Variants in DMBT1 observed in about 807,000 individuals in gnomAD.
DMBT1 encodes scavenger receptor cysteine-rich domain-containing protein DMBT1.
A neutral mutation model predicts 252.9 loss-of-function variants in DMBT1; 198 were observed. The observed-to-expected ratio is 0.78, with a 90% CI of 0.70 to 0.88. DMBT1 has a LOEUF of 0.88. DMBT1 is among the 40% of genes least tolerant of loss of function. The pLI is 0.00. For synonymous variants in DMBT1, 990 were observed against 942.7 expected, an observed-to-expected ratio of 1.05 and a Z score of -0.92; for missense variants, 2,432 against 2,404.7, an observed-to-expected ratio of 1.01 and a Z score of -0.24.
At chr10:122,616,883 C>A (rs2097989224) in intron 39 of DMBT1, among the ~76,000 whole-genome samples, 1 of 91,182 alleles carries the variant, frequency 1.1e-5, no homozygotes, top group South Asian at 4.8e-4. Context: ...CCCCTGGTTC[C>A]CCTAACATTT....
intron 54 of DMBT1, among the ~76,000 whole-genome samples, chr10:122,638,405 A>C (rs1843881449): frequency 6.6e-6 from 1 of 152,208 alleles, no homozygotes; most frequent in Admixed American, 6.5e-5. Context: ...CACACGCCAC[A>C]TTCTTATTCC....
At chr10:122,598,045 A>C in intron 25 of DMBT1, 33 bp downstream of exon 25, 1 of 1,613,380 alleles carries the variant, frequency 6.2e-7, no homozygotes, top group Non-Finnish European at 8.5e-7. Context: ...CCTAGGGCTC[A>C]CTCTCTACCT....
chr10:122,618,271 A>G lies in DMBT1; in HGVS notation c.5146A>G (p.Ser1716Gly), dbSNP rs747039304. 3 of 1,613,762 alleles carry G rather than the reference A, an allele frequency of 1.9e-6. No homozygotes were observed. Among genetic ancestry groups the G allele is most frequent in the South Asian group, 2.2e-5 (2 of 91,076 alleles). Residue 1716 changes from serine to glycine, a missense_variant, in exon 41 of 56, where the codon AGC becomes GGC. By Grantham distance (56) the Ser-to-Gly change is moderately conservative (BLOSUM62 0). Transcript: ENST00000338354. Reference sequence around the variant, plus strand: ...CTCAGGACACGAGTCTTACCTGTGGAGCTGCCCCCACAATGGCTGGCTCTC... The same window carrying G: ...CTCAGGACACGAGTCTTACCTGTGGGGCTGCCCCCACAATGGCTGGCTCTC... Reference protein sequence around the residue: ...RCSGHESYLWSCPHNGWLSHN... With the variant: ...RCSGHESYLWGCPHNGWLSHN...
chr10:122,621,859 A>G (rs1350202636), intron 44 of DMBT1, among the ~76,000 whole-genome samples: 1 of 152,196 alleles, frequency 6.6e-6, no homozygotes, highest in Non-Finnish European at 1.5e-5. Context: ...GCAAACGGGT[A>G]TCTGTGCATG....
At chr10:122,590,334 A>G (rs1031322421) in intron 17 of DMBT1, among the ~76,000 whole-genome samples, 1 of 148,936 alleles carries the variant, frequency 6.7e-6, no homozygotes, top group South Asian at 2.2e-4. Context: ...GGGCTAGAAG[A>G]TCACAGGCTG....
chr10:122,587,691 A>G (rs1048307941), intron 16 of DMBT1, among the ~76,000 whole-genome samples: 2 of 148,668 alleles, frequency 1.3e-5, no homozygotes, highest in Non-Finnish European at 3.0e-5. Flanking sequence ...ACATGCGGAA[A>G]GGCAGAGGCC....
chr10:122,586,495 GAT>G, intron 16 of DMBT1, 112 bp downstream of exon 16: 1 of 1,459,170 alleles, frequency 6.9e-7, no homozygotes, highest in Non-Finnish European at 9.2e-7. Context: ...CTATATTTCT[GAT>G]ACCTCCTTAG....
intron 45 of DMBT1, among the ~76,000 whole-genome samples, 183 bp downstream of exon 45, chr10:122,625,486 G>T (rs756456300): frequency 6.6e-6 from 1 of 152,200 alleles, no homozygotes; most frequent in African/African-American, 2.4e-5. Context: ...CTGGTTCACC[G>T]TGGAGGGCCC....
chr10:122,616,954 G>A (rs1565856706), intron 39 of DMBT1, among the ~76,000 whole-genome samples: 1 of 120,384 alleles, frequency 8.3e-6, no homozygotes, highest in Non-Finnish European at 1.7e-5. Flanking sequence ...CCATGCATCA[G>A]CAGATGTGGG....
At chr10:122,564,254 G>A (rs1472770052) in intron 1 of DMBT1, among the ~76,000 whole-genome samples, 1 of 152,198 alleles carries the variant, frequency 6.6e-6, no homozygotes, top group African/African-American at 2.4e-5. Flanking sequence ...GGTTCCATTA[G>A]AGAAATTCAA....
chr10:122,577,736 C>A, intron 7 of DMBT1, 75 bp from the exon 8 acceptor site: 1 of 1,569,074 alleles, frequency 6.4e-7, no homozygotes. Flanking sequence ...GTAGATACCC[C>A]AAGTCACTTC....
intron 7 of DMBT1, 39 bp from the exon 8 acceptor site, chr10:122,577,772 G>A (rs1258027741): frequency 6.2e-7 from 1 of 1,612,936 alleles, no homozygotes; most frequent in East Asian, 2.2e-5. Flanking sequence ...TGGAGTCACT[G>A]AGTGTTTGGT....
rs1340060111 is a variant in DMBT1, at chr10:122,576,666, A to G, written c.551A>G (p.Asn184Ser). The G allele has an allele frequency of 2.5e-6, 4 of 1,613,748 alleles. No individual in the cohort carries two copies. The highest frequency in any genetic ancestry group is 3.4e-6 in the Non-Finnish European group (4 of 1,179,724). ...HESYLWSCPH[N>S]GWLSHNCGHG... The stretch of plus-strand genomic sequence containing the variant: ...TCCTACCTGTGGAGCTGCCCCCACA[A>G]TGGCTGGCTCTCCCATAACTGTGGC... Residue 184 changes from asparagine to serine, a missense_variant, in exon 7 of 56, where the codon AAT (asparagine) becomes AGT (serine). Around this residue, in one of 3 missense-constraint regions of DMBT1, gnomAD observed 1,264 missense variants for 1,082.2 expected, o/e 1.17. Coordinates refer to ENST00000338354, the MANE Select transcript of DMBT1 (RefSeq NM_001377530.1).
chr10:122,619,400 A>T (rs2098039084), intron 42 of DMBT1, 63 bp downstream of exon 42: 2 of 1,601,302 alleles, frequency 1.2e-6, no homozygotes, highest in Admixed American at 3.3e-5. Flanking sequence ...CCTCTTCCCC[A>T]CTCCACAGAG....
At chr10:122,570,808 C>T in intron 3 of DMBT1, 82 bp from the exon 4 acceptor site, 1 of 1,506,028 alleles carries the variant, frequency 6.6e-7, no homozygotes, top group Non-Finnish European at 9.2e-7. Context: ...CCAGCCCTTG[C>T]TTCAGAGCTG....
chr10:122,631,853 A>C lies in DMBT1; in HGVS notation c.6347-2A>C, dbSNP rs1230046180. 1 of 1,613,614 alleles carries C rather than the reference A, an allele frequency of 6.2e-7. No homozygotes were observed. Among genetic ancestry groups the C allele is most frequent in the Non-Finnish European group, 8.5e-7 (1 of 1,179,812 alleles). ...TATGCTTTTTTTCTATTCCTTTTTCAGGAAACCATCTATCGACACCTGGTA... is the reference window on the plus strand; with the variant it reads ...TATGCTTTTTTTCTATTCCTTTTTCCGGAAACCATCTATCGACACCTGGTA... On this transcript the variant is annotated splice_acceptor_variant, in intron 49 of 55. Coordinates refer to ENST00000338354, the MANE Select transcript of DMBT1 (RefSeq NM_001377530.1). LOFTEE classifies it high-confidence loss of function.
Position 122,570,917 on chromosome 10 carries a change from T to A in DMBT1, c.167T>A (p.Leu56Gln). 1 of 1,613,352 alleles carries A rather than the reference T, an allele frequency of 6.2e-7. No homozygotes were observed. The highest frequency in any genetic ancestry group is 8.5e-7 in the Non-Finnish European group (1 of 1,179,304). The part of the protein sequence containing the change: ...EGSPFPSEST[L>Q]ESTVAEGSPI... Reference sequence around the variant, plus strand: ...TCTCCATTTCCCTCGGAGTCGACCCTGGAGTCAACTGTAGCAGAAGGTAAC... The same window carrying A: ...TCTCCATTTCCCTCGGAGTCGACCCAGGAGTCAACTGTAGCAGAAGGTAAC... Residue 56 changes from leucine to glutamine, a missense_variant, in exon 4 of 56, where the codon CTG becomes CAG. Around this residue, in one of 3 missense-constraint regions of DMBT1, gnomAD observed 1,264 missense variants for 1,082.2 expected, o/e 1.17. Coordinates refer to ENST00000338354, the MANE Select transcript of DMBT1 (RefSeq NM_001377530.1).
At chr10:122,580,545 A>T (rs549276590) in intron 10 of DMBT1, among the ~76,000 whole-genome samples, 1 of 152,172 alleles carries the variant, frequency 6.6e-6, no homozygotes, top group Admixed American at 6.5e-5. Flanking sequence ...CGCACAAGGG[A>T]TTTTGGCTGG....
chr10:122,642,432 T>C (rs1046100491), intron 55 of DMBT1, among the ~76,000 whole-genome samples: 6 of 152,200 alleles, frequency 3.9e-5, no homozygotes, highest in Non-Finnish European at 5.9e-5. Flanking sequence ...ACTGGGTTAG[T>C]GTGAGCTGCT....
Sources: allele counts gnomAD v4.1 joint callset (sites outside exome capture counted in the v4.1 genomes callset), GRCh38; gene constraint gnomAD v4.1.1; regional missense constraint gnomAD v4.1.1; transcripts MANE v1.5; gene names NCBI Gene and HGNC (gene_info 2026-07-23, HGNC 2026-07-21).